The following ELMO1 variants were observed in gnomAD, a reference collection of about 807,000 sequenced individuals.
ELMO1 encodes engulfment and cell motility protein 1.
In ELMO1, 26 loss-of-function variants were observed where a neutral mutation model predicts 98.9. The ratio of observed to expected loss-of-function variants is 0.26; its 90% CI spans 0.19 to 0.36. The LOEUF is 0.36. ELMO1 is among the 10% of genes least tolerant of loss of function. ELMO1 has a pLI of 1.00. For missense variants in ELMO1, 627 were observed against 935.2 expected (o/e 0.67, Z 4.30); for synonymous variants, 346 against 346.0 (o/e 1.00, Z 0.00).
rs867627147 is a variant in ELMO1 at position 37,250,810 on chromosome 7, A to C, written c.414-6419T>G. 1.5e-4 allele frequency among the ~76,000 whole-genome samples: 23 copies of C among 152,006 alleles called. No individual in the cohort carries two copies. In the South Asian group the frequency reaches 3.1e-3, roughly 21 times the overall value. ...CCGTCTCAAAAAAAAAAAAAAAAAA[A>C]ACCAGAAACTTTCCAAGTTCATCAT... On this transcript the variant is annotated intron_variant, in intron 6 of 21. Transcript: ENST00000310758.
At chr7:36,862,112 A>AAAACAAAC (rs57602967) in intron 20 of ELMO1, 5 of 220,266 alleles carry the variant, frequency 2.3e-5, no homozygotes, top group Admixed American at 5.0e-5. Context: ...AGAGGCCACA[A>AAAACAAAC]AAACAAACAA....
At chr7:37,102,851 A>T (rs1784711850) in intron 14 of ELMO1, among the ~76,000 whole-genome samples, 1 of 152,232 alleles carries the variant, frequency 6.6e-6, no homozygotes, top group Admixed American at 6.5e-5. Flanking sequence ...TTGAAAACAG[A>T]AAGGGTGAAA....
intron 16 of ELMO1, among the ~76,000 whole-genome samples, chr7:37,003,404 A>T (rs983265274): frequency 2.0e-5 from 3 of 152,206 alleles, no homozygotes; most frequent in African/African-American, 7.2e-5. Context: ...GGAGGGAACC[A>T]CTGCCAAATG....
At chr7:37,033,613 T>G (rs368654333) in intron 15 of ELMO1, among the ~76,000 whole-genome samples, 3 of 152,290 alleles carry the variant, frequency 2.0e-5, no homozygotes, top group African/African-American at 7.2e-5. Flanking sequence ...CCCGGTACAC[T>G]GAATATCTGA....
intron 16 of ELMO1, among the ~76,000 whole-genome samples, chr7:37,008,840 A>C (rs1414098562): frequency 6.6e-6 from 1 of 152,184 alleles, no homozygotes; most frequent in Non-Finnish European, 1.5e-5. Flanking sequence ...AATGATGGCG[A>C]TTCTATTAAC....
intron 14 of ELMO1, among the ~76,000 whole-genome samples, chr7:37,109,763 C>T (rs1055179857): frequency 6.6e-6 from 1 of 152,226 alleles, no homozygotes; most frequent in African/African-American, 2.4e-5. Flanking sequence ...CAACACCCAC[C>T]CGGTCTTCCC....
At chr7:37,418,464 C>A (rs1804325374) in intron 1 of ELMO1, among the ~76,000 whole-genome samples, 1 of 152,126 alleles carries the variant, frequency 6.6e-6, no homozygotes, top group Admixed American at 6.5e-5. Flanking sequence ...GGTGGCCTGG[C>A]CCAGTACATT....
chr7:37,354,005 A>T (rs535561817), intron 1 of ELMO1, among the ~76,000 whole-genome samples: 2 of 152,186 alleles, frequency 1.3e-5, no homozygotes, highest in Non-Finnish European at 2.9e-5. Context: ...TGCCAATCTC[A>T]TGCACCAGTT....
At chr7:36,884,894 C>A (rs913830662) in intron 18 of ELMO1, among the ~76,000 whole-genome samples, 1 of 152,238 alleles carries the variant, frequency 6.6e-6, no homozygotes, top group African/African-American at 2.4e-5. Flanking sequence ...CTGGCTCCTG[C>A]ACTGGGAGTG....
At chr7:37,033,860 G>C (rs1795021868) in intron 15 of ELMO1, among the ~76,000 whole-genome samples, 1 of 152,126 alleles carries the variant, frequency 6.6e-6, no homozygotes, top group Non-Finnish European at 1.5e-5. Flanking sequence ...ATCTTCAGGG[G>C]TGCGGAATAA....
chr7:37,263,400 C>T (rs1028560857), intron 5 of ELMO1, among the ~76,000 whole-genome samples: 1 of 152,174 alleles, frequency 6.6e-6, no homozygotes, highest in Non-Finnish European at 1.5e-5. Context: ...ATTTGTTCCG[C>T]ACATTTGGGA....
intron 1 of ELMO1, among the ~76,000 whole-genome samples, chr7:37,359,315 T>G (rs1456992467): frequency 2.0e-5 from 3 of 152,258 alleles, no homozygotes. Flanking sequence ...GGACTCTGAC[T>G]GTCTGTATTC....
At chr7:36,901,921 C>T (rs894696859) in intron 16 of ELMO1, among the ~76,000 whole-genome samples, 6 of 152,270 alleles carry the variant, frequency 3.9e-5, no homozygotes, top group Admixed American at 6.5e-5. Flanking sequence ...CGAACAGAAT[C>T]GGTTCCGACA....
intron 15 of ELMO1, among the ~76,000 whole-genome samples, chr7:37,055,130 G>A (rs1488916900): frequency 6.6e-6 from 1 of 152,116 alleles, no homozygotes; most frequent in Non-Finnish European, 1.5e-5. Flanking sequence ...CATAAACACT[G>A]GACATTAAAA....
intron 18 of ELMO1, among the ~76,000 whole-genome samples, chr7:36,882,397 T>A (rs1339010524): frequency 6.6e-6 from 1 of 152,204 alleles, no homozygotes; most frequent in South Asian, 2.1e-4. Context: ...TTTCAGGTGA[T>A]GAGATCTAAG....
chr7:37,409,171 T>C (rs1321590641), intron 1 of ELMO1, among the ~76,000 whole-genome samples: 1 of 151,658 alleles, frequency 6.6e-6, no homozygotes, highest in East Asian at 1.9e-4. Flanking sequence ...TAAAACCTAC[T>C]GGATGCCAAA....
chr7:36,965,351 A>G (rs1046420689), intron 16 of ELMO1, among the ~76,000 whole-genome samples: 57 of 152,198 alleles, frequency 3.7e-4, no homozygotes, highest in African/African-American at 1.4e-3. Context: ...TATTTGTTCC[A>G]GCAGAGAATG....
In ELMO1 at chr7:36,865,722, A is replaced by AT. The variant is rs1201523041; in HGVS notation, c.1906-3987dup. 1.3e-3 allele frequency among the ~76,000 whole-genome samples: 191 copies of AT among 152,076 alleles called. 1 individual carries two copies. The highest frequency in any genetic ancestry group is 4.4e-3 in the African/African-American group (182 of 41,480). On this transcript the variant is annotated intron_variant, in intron 20 of 21. Coordinates refer to ENST00000310758, the MANE Select transcript of ELMO1 (RefSeq NM_014800.11). ...TCAACTCTCCCAGGCTCCATGTTTA[A>AT]TTTTTTTTGGCATAGACATATTGAA...
At chr7:37,192,306 T>C (rs1477980457) in intron 13 of ELMO1, among the ~76,000 whole-genome samples, 2 of 150,580 alleles carry the variant, frequency 1.3e-5, no homozygotes, top group African/African-American at 2.5e-5. Flanking sequence ...ACCATCTTGG[T>C]CAACATGGTG....
Sources: allele counts gnomAD v4.1 joint callset (sites outside exome capture counted in the v4.1 genomes callset), GRCh38; gene constraint gnomAD v4.1.1; transcripts MANE v1.5; gene names NCBI Gene and HGNC (gene_info 2026-07-23, HGNC 2026-07-21).